The following NT5M variants were observed in gnomAD, a reference collection of about 807,000 sequenced individuals.
NT5M encodes the protein 5',3'-nucleotidase, mitochondrial.
NT5M carries 22 observed loss-of-function variants against 22.2 expected under a neutral mutation model. That is an observed-to-expected ratio of 0.99 (90% CI 0.71 to 1.41). The LOEUF (loss-of-function observed/expected upper bound fraction) is 1.41. NT5M is among the 40% of genes most tolerant of loss of function. NT5M has a pLI of 0.00. For missense variants in NT5M, 322 were observed against 314.8 expected (o/e 1.02, Z -0.17); for synonymous variants, 167 against 133.0 (o/e 1.26, Z -1.76).
chr17:17,315,442 G>A (rs528696732), intron 2 of NT5M, among the ~76,000 whole-genome samples: 1 of 152,296 alleles, frequency 6.6e-6, no homozygotes, highest in South Asian at 2.1e-4. Flanking sequence ...CTAAACAAGG[G>A]GCTGTGCTGC....
Position 17,306,418 on chromosome 17 carries a change from G to A in NT5M, c.268-125G>A, listed in dbSNP as rs2048802223. 4 of 719,588 alleles carry A rather than the reference G, an allele frequency of 5.6e-6. No individual in the cohort carries two copies. The East Asian group carries it at 7.4e-5, about 13-fold the overall frequency. The allele number at this position is 719,588 out of a possible 1,614,324, so 44.6% of individuals were successfully genotyped here. Reference sequence around the variant, plus strand: ...CTACCCCCAGGAAGTACGTCCTTGGGTGTGTGTTTGGGGGAGTGAGAGGAA... The same window carrying A: ...CTACCCCCAGGAAGTACGTCCTTGGATGTGTGTTTGGGGGAGTGAGAGGAA... On this transcript the variant is annotated intron_variant, in intron 1 of 4. Transcript: ENST00000389022.
chr17:17,333,387 G>C (rs1419561040), intron 3 of NT5M: 1 of 152,106 alleles, frequency 6.6e-6, no homozygotes, highest in East Asian at 1.9e-4. Flanking sequence ...CACTGCAGCT[G>C]TGACCCCCTG....
chr17:17,305,247 C>T (rs2048770651), intron 1 of NT5M, among the ~76,000 whole-genome samples: 1 of 152,044 alleles, frequency 6.6e-6, no homozygotes, highest in African/African-American at 2.4e-5. Flanking sequence ...GGTTTCCAAG[C>T]ACAAGGCAAA....
At chr17:17,315,346 C>T (rs933576922) in intron 2 of NT5M, among the ~76,000 whole-genome samples, 1 of 152,154 alleles carries the variant, frequency 6.6e-6, no homozygotes, top group Non-Finnish European at 1.5e-5. Context: ...CCTAAGGTCT[C>T]CAGTTTCAGG....
At chr17:17,304,416 T>A in intron 1 of NT5M, 5 of 985,298 alleles carry the variant, frequency 5.1e-6, no homozygotes, top group Non-Finnish European at 6.0e-6. Flanking sequence ...ACTCCCGAGG[T>A]GTTCTGTCCA....
At chr17:17,314,286 C>T (rs1035186765) in intron 2 of NT5M, among the ~76,000 whole-genome samples, 2 of 152,106 alleles carry the variant, frequency 1.3e-5, no homozygotes, top group South Asian at 2.1e-4. Context: ...CCACCCACCT[C>T]GGCTTCCCAA....
In NT5M at chr17:17,346,259, G is replaced by T. The variant is rs376485112; in HGVS notation, c.545-546G>T. Among the ~76,000 whole-genome samples, 110 of 152,206 alleles carry T rather than the reference G, an allele frequency of 7.2e-4. No homozygotes were observed. In the Middle Eastern group the frequency reaches 0.014, roughly 19 times the overall value. On this transcript the variant is annotated intron_variant, in intron 4 of 4. Transcript: ENST00000389022. ...TGGCCTCCATCTCCAGCCACAGGTT[G>T]TTGGGGGCGGGTGTATAACCCAAAG...
intron 3 of NT5M, among the ~76,000 whole-genome samples, chr17:17,327,557 A>C (rs2049290739): frequency 9.6e-6 from 1 of 104,534 alleles, no homozygotes. Flanking sequence ...CTGCTCTGTC[A>C]CCCAAGCTGG....
chr17:17,303,968 C>G, intron 1 of NT5M, 151 bp downstream of exon 1: 1 of 1,250,112 alleles, frequency 8.0e-7, no homozygotes, highest in Non-Finnish European at 1.0e-6. Flanking sequence ...GGGGCCACAG[C>G]GCACCGGGAA....
intron 3 of NT5M, among the ~76,000 whole-genome samples, chr17:17,326,191 A>G (rs555712465): frequency 3.3e-4 from 50 of 152,358 alleles, no homozygotes; most frequent in Admixed American, 5.2e-4. Context: ...TTTGAGGTTT[A>G]CAACAGCTGC....
At chr17:17,338,677 G>GTTTTTTTTTTTTTTTT (rs59650601) in intron 3 of NT5M, among the ~76,000 whole-genome samples, 1 of 73,220 alleles carries the variant, frequency 1.4e-5, no homozygotes, top group Non-Finnish European at 2.5e-5. Context: ...AATGTTAAGG[G>GTTTTTTTTTTTTTTTT]TTTTTTTTTT....
chr17:17,325,273 G>T (rs1263831351), intron 3 of NT5M, among the ~76,000 whole-genome samples: 2 of 152,164 alleles, frequency 1.3e-5, no homozygotes, highest in Non-Finnish European at 2.9e-5. Flanking sequence ...CTGTCTTTGT[G>T]CCAGCTGTCC....
In NT5M at chr17:17,346,879, C is replaced by G. The variant is rs1567904689; in HGVS notation, c.619C>G (p.Pro207Ala). 3.7e-6 allele frequency: 6 copies of G among 1,609,746 alleles called. No homozygotes were observed. The highest frequency in any genetic ancestry group is 5.1e-6 in the Non-Finnish European group (6 of 1,179,898). ...CHNQHLQLQP[P>A]RRRLHSWADD... is the part of the protein sequence containing the mutation. Reference sequence around the variant, plus strand: ...CAACCAGCACCTGCAGCTGCAGCCCCCCCGCCGCAGGCTGCACTCGTGGGC... The same window carrying G: ...CAACCAGCACCTGCAGCTGCAGCCCGCCCGCCGCAGGCTGCACTCGTGGGC... The change falls in exon 5 of 5, where the codon CCC becomes GCC. Residue 207 changes from proline (P) to alanine (A), a missense_variant. Pro to Ala is a conservative substitution (Grantham distance 27). Transcript: ENST00000389022.
chr17:17,308,964 T>C (rs2048867743), intron 2 of NT5M, among the ~76,000 whole-genome samples: 1 of 152,218 alleles, frequency 6.6e-6, no homozygotes, highest in Non-Finnish European at 1.5e-5. Flanking sequence ...ATTCCAGCCA[T>C]TGGATATGTA....
chr17:17,319,573 G>A (rs567744368), intron 2 of NT5M, among the ~76,000 whole-genome samples: 15 of 152,260 alleles, frequency 9.9e-5, no homozygotes, highest in East Asian at 5.8e-4. Flanking sequence ...CACTATGGGC[G>A]AATATCAGAA....
At chr17:17,305,028 C>T (rs2048763743) in intron 1 of NT5M, among the ~76,000 whole-genome samples, 1 of 152,068 alleles carries the variant, frequency 6.6e-6, no homozygotes, top group Non-Finnish European at 1.5e-5. Context: ...GGAGAAAATG[C>T]CCTGGTACTT....
chr17:17,315,561 C>A (rs960542957), intron 2 of NT5M, among the ~76,000 whole-genome samples: 3 of 151,950 alleles, frequency 2.0e-5, no homozygotes, highest in African/African-American at 7.2e-5. Context: ...AGTGAAGAGT[C>A]GGGACAGGCC....
intron 3 of NT5M, among the ~76,000 whole-genome samples, chr17:17,331,843 C>T (rs953969529): frequency 6.6e-6 from 1 of 150,642 alleles, no homozygotes; most frequent in East Asian, 1.9e-4. Context: ...TGCAGTTGCG[C>T]GATCTCTGCT....
Position 17,303,723 on chromosome 17 carries a change from G to T in NT5M, c.173G>T (p.Arg58Leu). 6.3e-7 allele frequency: 1 copy of T among 1,591,644 alleles called. No homozygotes were observed. Among genetic ancestry groups the T allele is most frequent in the Non-Finnish European group, 8.5e-7 (1 of 1,171,390 alleles). The stretch of plus-strand genomic sequence containing the variant: ...GAGGGCGGATTCCTCAGGAAGTTCC[G>T]CGCGCGCTTTCCCGACCAGCCCTTC... ...DFEGGFLRKFRARFPDQPFIA... is the reference protein window; with the variant it reads ...DFEGGFLRKFLARFPDQPFIA... The change falls in exon 1 of 5, where the codon CGC becomes CTC. Residue 58 changes from arginine (R) to leucine (L), a missense_variant. Arg to Leu is a moderately radical substitution (Grantham distance 102). Transcript: ENST00000389022.
Sources: gnomAD v4.1 joint callset for allele counts (sites outside exome capture counted in the v4.1 genomes callset) on GRCh38, gnomAD v4.1.1 for gene constraint, MANE v1.5 for transcripts, NCBI Gene and HGNC (gene_info 2026-07-23, HGNC 2026-07-21) for gene names.